Variants in PTPRN2 observed in about 807,000 individuals in gnomAD.
PTPRN2 encodes receptor-type tyrosine-protein phosphatase N2.
In PTPRN2, 74 loss-of-function variants were observed where a neutral mutation model predicts 118.8. The ratio of observed to expected loss-of-function variants is 0.62; its 90% CI spans 0.52 to 0.76. The LOEUF (loss-of-function observed/expected upper bound fraction) is 0.76. Among genes scored for constraint, PTPRN2 ranks in the 30% least tolerant of loss-of-function variants. PTPRN2 has a pLI of 0.00. For synonymous variants in PTPRN2, 641 were observed against 608.0 expected (o/e 1.05, Z -0.80); for missense variants, 1,481 against 1,394.4 (o/e 1.06, Z -0.99).
chr7:158,052,025 G>C (rs556521391), intron 11 of PTPRN2, among the ~76,000 whole-genome samples: 4 of 152,346 alleles, frequency 2.6e-5, no homozygotes, highest in African/African-American at 9.6e-5. Flanking sequence ...ATTGACAAGA[G>C]AGTCCCCATC....
chr7:157,543,485 C>T (rs190427581), intron 22 of PTPRN2, among the ~76,000 whole-genome samples: 25 of 152,092 alleles, frequency 1.6e-4, no homozygotes, highest in African/African-American at 6.0e-4. Context: ...GGGACAACCA[C>T]GGGGTGCCCA....
intron 2 of PTPRN2, among the ~76,000 whole-genome samples, chr7:158,489,035 G>A (rs1821239479): frequency 6.6e-6 from 1 of 152,280 alleles, no homozygotes; most frequent in Non-Finnish European, 1.5e-5. Flanking sequence ...AGGACCCGCT[G>A]CTCGCCGTAT....
At chr7:158,512,085 G>A (rs1209228108) in intron 1 of PTPRN2, among the ~76,000 whole-genome samples, 2 of 152,192 alleles carry the variant, frequency 1.3e-5, no homozygotes, top group Non-Finnish European at 1.5e-5. Flanking sequence ...GGGACAGAAT[G>A]CCATGCAGAC....
In PTPRN2 at chr7:158,133,657, T is replaced by C; in HGVS notation, c.1556+20A>G. On this transcript the variant is annotated intron_variant, in intron 9 of 22. Transcript: ENST00000389418. ...AGCCCTCCCTCGGCACACAGGAGCT[T>C]AGCCAGGGCTGCTACTCACTCTCTG... The C allele has an allele frequency of 6.5e-7, 1 of 1,542,266 alleles. No homozygotes were observed. The highest frequency in any genetic ancestry group is 8.7e-7 in the Non-Finnish European group (1 of 1,148,172).
At chr7:158,564,300 T>G (rs894434703) in intron 1 of PTPRN2, among the ~76,000 whole-genome samples, 1 of 152,268 alleles carries the variant, frequency 6.6e-6, no homozygotes, top group African/African-American at 2.4e-5. Flanking sequence ...TGCAAACATC[T>G]TTGCACATGT....
rs573981084 is a variant in PTPRN2, at chr7:157,556,783, G to A, written c.2903-7764C>T. ...TGCACATGCACACACACATGCACAC[G>A]CCCACAACATGCACATCCCACACTC... On this transcript the variant is annotated intron_variant, in intron 21 of 22. Coordinates refer to ENST00000389418, the MANE Select transcript of PTPRN2 (RefSeq NM_002847.5). Among the ~76,000 whole-genome samples, 10 of 134,226 alleles carry A rather than the reference G, an allele frequency of 7.5e-5. No homozygotes were observed. In the South Asian group the frequency reaches 1.0e-3, roughly 13 times the overall value. The allele number at this position is 134,226 out of a possible 152,430, so 88.1% of individuals were successfully genotyped here. A position where few individuals can be genotyped will look rare whatever the true frequency, so the allele number is the denominator to read the frequency against.
chr7:158,487,906 G>T (rs1332202530), intron 2 of PTPRN2, among the ~76,000 whole-genome samples: 1 of 152,078 alleles, frequency 6.6e-6, no homozygotes, highest in African/African-American at 2.4e-5. Flanking sequence ...ACAAATCAAG[G>T]CCTGAATATG....
intron 12 of PTPRN2, among the ~76,000 whole-genome samples, chr7:157,803,025 C>T (rs1415692899): frequency 6.6e-6 from 1 of 152,158 alleles, no homozygotes; most frequent in African/African-American, 2.4e-5. Flanking sequence ...AATGCAGTGG[C>T]ACCATCTCGG....
chr7:157,646,051 C>T (rs1478308822), intron 14 of PTPRN2, among the ~76,000 whole-genome samples: 2 of 152,218 alleles, frequency 1.3e-5, no homozygotes, highest in African/African-American at 2.4e-5. Context: ...GGAGCCTGTA[C>T]CCCAAAACCC....
rs1278507485 is a variant in PTPRN2 at position 158,403,025 on chromosome 7, G to A, written c.164-86093C>T. ...ATCCCTTACAACCAAACACAGCTCC[G>A]TTTGCCTCCCACGGCTTCTTCATAT... On this transcript the variant is annotated intron_variant, in intron 2 of 22. Transcript: ENST00000389418. 3.3e-5 allele frequency among the ~76,000 whole-genome samples: 5 copies of A among 152,300 alleles called. No homozygotes were observed. In the South Asian group the frequency reaches 6.2e-4, roughly 19 times the overall value.
In PTPRN2 at chr7:158,478,307, G is replaced by A. The variant is rs573007830; in HGVS notation, c.163+11428C>T. On this transcript the variant is annotated intron_variant, in intron 2 of 22. Coordinates refer to ENST00000389418, the MANE Select transcript of PTPRN2 (RefSeq NM_002847.5). ...CGGCTAGAGGAGGGAAAGCAGCGCC[G>A]TACAGACACTCGGAAAACTGCAGAC... is the stretch of plus-strand genomic sequence containing the variant. 6.6e-5 allele frequency among the ~76,000 whole-genome samples: 10 copies of A among 152,342 alleles called. No homozygotes were observed. In the South Asian group the frequency reaches 1.0e-3, roughly 16 times the overall value.
intron 2 of PTPRN2, among the ~76,000 whole-genome samples, chr7:158,462,798 G>A (rs978615036): frequency 5.9e-5 from 9 of 152,180 alleles, no homozygotes; most frequent in Non-Finnish European, 2.9e-5. Context: ...ATTGTGTGGG[G>A]ATCCAGGAAA....
chr7:158,504,280 T>A (rs141916378), intron 1 of PTPRN2, among the ~76,000 whole-genome samples: 1 of 152,164 alleles, frequency 6.6e-6, no homozygotes, highest in Non-Finnish European at 1.5e-5. Flanking sequence ...GGTGGTTTCC[T>A]GCACAGAGCA....
At chr7:158,522,802 G>C (rs956209610) in intron 1 of PTPRN2, among the ~76,000 whole-genome samples, 1 of 152,178 alleles carries the variant, frequency 6.6e-6, no homozygotes, top group Admixed American at 6.5e-5. Context: ...CTTGTCTTGA[G>C]AGCAGCTCAC....
At chr7:158,297,980 T>G (rs1237722998) in intron 3 of PTPRN2, among the ~76,000 whole-genome samples, 2 of 151,860 alleles carry the variant, frequency 1.3e-5, no homozygotes, top group Admixed American at 1.3e-4. Flanking sequence ...AACTTACAGG[T>G]TTTTTTTCTA....
At chr7:158,149,529 C>T (rs988006893) in intron 6 of PTPRN2, among the ~76,000 whole-genome samples, 10 of 151,982 alleles carry the variant, frequency 6.6e-5, no homozygotes, top group Admixed American at 6.6e-5. Flanking sequence ...CCCGGCTGGG[C>T]GCAGTGGCTC....
intron 12 of PTPRN2, among the ~76,000 whole-genome samples, chr7:157,769,081 C>T (rs189948337): frequency 2.6e-4 from 40 of 152,296 alleles, no homozygotes; most frequent in Middle Eastern, 3.4e-3. Context: ...TTAACCACAG[C>T]GAACGGGAGG....
chr7:157,637,661 C>G (rs953321202), intron 14 of PTPRN2, among the ~76,000 whole-genome samples: 1 of 152,168 alleles, frequency 6.6e-6, no homozygotes, highest in Non-Finnish European at 1.5e-5. Flanking sequence ...TTTGCTGGCA[C>G]CCGACCCAGG....
intron 2 of PTPRN2, among the ~76,000 whole-genome samples, chr7:158,357,911 G>T (rs1469214151): frequency 1.3e-5 from 2 of 152,244 alleles, no homozygotes; most frequent in Admixed American, 1.3e-4. Context: ...CAAGCCAAGG[G>T]CAAAGTAGGG....
Sources: gnomAD v4.1 joint callset for allele counts (sites outside exome capture counted in the v4.1 genomes callset) on GRCh38, gnomAD v4.1.1 for gene constraint, MANE v1.5 for transcripts, NCBI Gene and HGNC (gene_info 2026-07-23, HGNC 2026-07-21) for gene names.